The following TMEM131 variants were observed in gnomAD, a reference collection of about 807,000 sequenced individuals.
TMEM131 encodes the protein 2610524E03Rik.
In TMEM131, 66 loss-of-function variants were observed where a neutral mutation model predicts 211.6. The ratio of observed to expected loss-of-function variants is 0.31; its 90% CI spans 0.26 to 0.38. The LOEUF (loss-of-function observed/expected upper bound fraction) is 0.38. Ranked by LOEUF, TMEM131 falls within the 10% of genes least tolerant of loss-of-function variation. The pLI is 1.00. For synonymous variants in TMEM131, 844 were observed against 841.3 expected (o/e 1.00, Z -0.06); for missense variants, 2,036 against 2,299.3 (o/e 0.89, Z 2.34).
At chr2:97,897,687 G>C (rs1675671355) in intron 3 of TMEM131, among the ~76,000 whole-genome samples, 1 of 152,122 alleles carries the variant, frequency 6.6e-6, no homozygotes, top group African/African-American at 2.4e-5. Context: ...TGTTTGAAGA[G>C]ATGTCGCTTC....
rs989533956 is a variant in TMEM131, at chr2:97,759,011, G to C, written c.5249C>G (p.Ala1750Gly). 1.2e-6 allele frequency: 2 copies of C among 1,613,946 alleles called. No homozygotes were observed. The highest frequency in any genetic ancestry group is 2.7e-5 in the African/African-American group (2 of 74,952). Residue 1750 changes from alanine (A) to glycine (G), a missense_variant, in exon 40 of 41, where the codon GCC (alanine) becomes GGC (glycine). Coordinates refer to ENST00000186436, the MANE Select transcript of TMEM131 (RefSeq NM_015348.2). ...AAACTCGTTCCAGCTCCTCTGTGAG[G>C]CCTGATTGCACGATCGAGATAATCC... ...KLGLSRSCNQ[A>G]SQRSWNEFNS...
chr2:97,802,328 T>G, intron 24 of TMEM131, 100 bp downstream of exon 24: 1 of 915,020 alleles, frequency 1.1e-6, no homozygotes, highest in South Asian at 1.9e-5. Flanking sequence ...TCTCGTCAAA[T>G]CTATTAATCT....
intron 5 of TMEM131, among the ~76,000 whole-genome samples, chr2:97,854,692 C>T (rs1673766547): frequency 1.3e-5 from 2 of 152,194 alleles, no homozygotes; most frequent in Non-Finnish European, 2.9e-5. Flanking sequence ...TAGTCTGCCC[C>T]CTTACTTCTC....
intron 1 of TMEM131, among the ~76,000 whole-genome samples, chr2:97,945,703 G>A (rs1678000467): frequency 6.6e-6 from 1 of 152,076 alleles, no homozygotes; most frequent in South Asian, 2.1e-4. Flanking sequence ...ACTGTCAACA[G>A]CAGGTGAATC....
At chr2:97,859,550 G>C in intron 4 of TMEM131, 123 bp from the exon 5 acceptor site, 1 of 853,116 alleles carries the variant, frequency 1.2e-6, no homozygotes, top group Non-Finnish European at 1.7e-6. Context: ...AATGCTTTCT[G>C]AATTTATATT....
Position 97,868,361 on chromosome 2 carries a change from C to T in TMEM131, c.360-8934G>A, listed in dbSNP as rs937757978. The stretch of plus-strand genomic sequence containing the variant: ...ATGTCTTTATATATATACACACACA[C>T]ACATATATGTAGGTTTTCTGCTAGT... On this transcript the variant is annotated intron_variant, in intron 4 of 40. Transcript: ENST00000186436. Among the ~76,000 whole-genome samples the T allele has an allele frequency of 5.9e-5, 9 of 152,108 alleles. No individual in the cohort carries two copies. In the South Asian group the frequency reaches 1.7e-3, roughly 28 times the overall value.
At chr2:97,870,817 G>A (rs554229711) in intron 4 of TMEM131, among the ~76,000 whole-genome samples, 102 of 152,260 alleles carry the variant, frequency 6.7e-4, no homozygotes, top group African/African-American at 2.3e-3. Context: ...CTCAATTACC[G>A]CAAAATACTA....
intron 39 of TMEM131, 75 bp from the exon 40 acceptor site, chr2:97,759,128 A>G: frequency 6.4e-7 from 1 of 1,568,844 alleles, no homozygotes; most frequent in South Asian, 1.2e-5. Flanking sequence ...GGCTTCACTC[A>G]ATGGCATACC....
chr2:97,856,638 A>C (rs1673858329), intron 5 of TMEM131, among the ~76,000 whole-genome samples: 1 of 152,250 alleles, frequency 6.6e-6, no homozygotes, highest in South Asian at 2.1e-4. Flanking sequence ...AATTAGAGTA[A>C]ACATACAGAA....
intron 25 of TMEM131, among the ~76,000 whole-genome samples, chr2:97,801,409 T>A (rs573284976): frequency 6.6e-5 from 10 of 152,244 alleles, no homozygotes; most frequent in Non-Finnish European, 1.5e-4. Context: ...AGTTTATGTA[T>A]ATGTTTATAA....
At chr2:97,895,758 C>T (rs1675582606) in intron 3 of TMEM131, among the ~76,000 whole-genome samples, 1 of 151,894 alleles carries the variant, frequency 6.6e-6, no homozygotes. Flanking sequence ...ATTCTTCTCT[C>T]TTTTCTTCTT....
intron 11 of TMEM131, among the ~76,000 whole-genome samples, chr2:97,829,688 C>T (rs553076442): frequency 6.4e-4 from 97 of 152,202 alleles, no homozygotes; most frequent in African/African-American, 2.2e-3. Context: ...TCTTTGGGTC[C>T]GCACCACCTT....
chr2:97,897,790 G>T (rs1675677659), intron 3 of TMEM131, among the ~76,000 whole-genome samples: 1 of 152,072 alleles, frequency 6.6e-6, no homozygotes. Context: ...TGTAAGACTA[G>T]TAATTTTTCA....
intron 11 of TMEM131, among the ~76,000 whole-genome samples, chr2:97,831,534 G>A (rs1418926466): frequency 2.0e-5 from 3 of 151,814 alleles, no homozygotes; most frequent in Non-Finnish European, 4.4e-5. Context: ...ACAGATGTAG[G>A]TACAGATGTA....
At chr2:97,850,534 G>A (rs1011611845) in intron 5 of TMEM131, among the ~76,000 whole-genome samples, 1 of 152,092 alleles carries the variant, frequency 6.6e-6, no homozygotes, top group East Asian at 1.9e-4. Flanking sequence ...GACCATGACT[G>A]TAAGGTGCCC....
At chr2:97,888,811 A>G (rs542239023) in intron 3 of TMEM131, among the ~76,000 whole-genome samples, 11 of 152,184 alleles carry the variant, frequency 7.2e-5, no homozygotes, top group Non-Finnish European at 1.0e-4. Flanking sequence ...TCACATGCCT[A>G]AAGTGTCAGA....
In TMEM131 at chr2:97,971,302, C is replaced by G. The variant is rs76508196; in HGVS notation, c.187+24174G>C. ...GAAGTCCTGACAGGAAAATAGCACACAAGGAGGTGTTCCACGTGACAAAAG... is the reference window on the plus strand; with the variant it reads ...GAAGTCCTGACAGGAAAATAGCACAGAAGGAGGTGTTCCACGTGACAAAAG... On this transcript the variant is annotated intron_variant, in intron 1 of 40. Coordinates refer to ENST00000186436, the MANE Select transcript of TMEM131 (RefSeq NM_015348.2). Among the ~76,000 whole-genome samples, 489 of 152,100 alleles carry G rather than the reference C, an allele frequency of 3.2e-3. 6 individuals carry two copies. The East Asian group carries it at 0.04, about 13-fold the overall frequency.
At chr2:97,912,426 C>T (rs79798680) in intron 2 of TMEM131, among the ~76,000 whole-genome samples, 6,261 of 152,168 alleles carry the variant, frequency 0.041, 230 homozygotes, top group African/African-American at 0.096. Flanking sequence ...AATTCACATC[C>T]AGAGATAAGG....
intron 33 of TMEM131, among the ~76,000 whole-genome samples, chr2:97,769,139 C>T (rs889578666): frequency 1.3e-5 from 2 of 150,022 alleles, no homozygotes; most frequent in Admixed American, 1.4e-4. Context: ...TGTGCCATCA[C>T]ACCTGGCTAA....
Sources: allele counts gnomAD v4.1 joint callset (sites outside exome capture counted in the v4.1 genomes callset), GRCh38; gene constraint gnomAD v4.1.1; transcripts MANE v1.5; gene names NCBI Gene and HGNC (gene_info 2026-07-23, HGNC 2026-07-21).